Variants in ARF4 observed in about 807,000 individuals in gnomAD.
ARF4 encodes ARF GTPase 4.
ARF4 carries 5 observed loss-of-function variants against 24.3 expected under a neutral mutation model. The observed-to-expected ratio is 0.21, with a 90% CI of 0.11 to 0.43. ARF4 has a LOEUF of 0.43. ARF4 is among the 20% of genes least tolerant of loss of function. The pLI is 1.00. For missense variants in ARF4, 107 were observed against 213.0 expected (o/e 0.50, Z 3.10); for synonymous variants, 62 against 73.5 (o/e 0.84, Z 0.80).
chr3:57,589,810 C>G (rs1165024643), intron 1 of ARF4, among the ~76,000 whole-genome samples: 2 of 151,000 alleles, frequency 1.3e-5, no homozygotes, highest in Admixed American at 1.3e-4. Context: ...AAGTTAGATC[C>G]AGCCGGGCAC....
At chr3:57,582,892 C>T (rs1460395765) in intron 3 of ARF4, among the ~76,000 whole-genome samples, 6 of 152,208 alleles carry the variant, frequency 3.9e-5, no homozygotes, top group Non-Finnish European at 5.9e-5. Context: ...TCAGTTTCCT[C>T]ATATGTAAGA....
At chr3:57,572,384 T>C in intron 5 of ARF4, 86 bp from the exon 6 acceptor site, 1 of 997,022 alleles carries the variant, frequency 1.0e-6, no homozygotes, top group Non-Finnish European at 1.6e-6. Context: ...AACTTAAGAG[T>C]CTTTTCACAC....
intron 1 of ARF4, among the ~76,000 whole-genome samples, chr3:57,586,704 C>A (rs1478752080): frequency 6.6e-6 from 1 of 151,662 alleles, no homozygotes; most frequent in Non-Finnish European, 1.5e-5. Context: ...GGAACATTAT[C>A]AAAAAAATCA....
chr3:57,578,533 A>C (rs2069933071), intron 3 of ARF4, among the ~76,000 whole-genome samples: 2 of 151,948 alleles, frequency 1.3e-5, no homozygotes, highest in South Asian at 4.2e-4. Context: ...GCCTAGGAGC[A>C]CAGTAGCACA....
At chr3:57,574,172 C>T (rs1455465130) in intron 5 of ARF4, among the ~76,000 whole-genome samples, 1 of 152,006 alleles carries the variant, frequency 6.6e-6, no homozygotes, top group Non-Finnish European at 1.5e-5. Context: ...AATTCCTGAC[C>T]TCATGATCCA....
At chr3:57,585,278 G>T (rs1454689077) in intron 1 of ARF4, among the ~76,000 whole-genome samples, 3 of 152,150 alleles carry the variant, frequency 2.0e-5, no homozygotes, top group Non-Finnish European at 4.4e-5. Flanking sequence ...TAAAATTTGG[G>T]TAACAGATTT....
At chr3:57,572,753 TG>T (rs2069855917) in intron 5 of ARF4, among the ~76,000 whole-genome samples, 1 of 152,218 alleles carries the variant, frequency 6.6e-6, no homozygotes, top group Non-Finnish European at 1.5e-5. Flanking sequence ...TTTTCAGTGC[TG>T]GTTTTTGGTT....
intron 3 of ARF4, among the ~76,000 whole-genome samples, chr3:57,577,671 C>T (rs1269494967): frequency 1.3e-5 from 2 of 152,248 alleles, no homozygotes; most frequent in South Asian, 2.1e-4. Context: ...TCCCTCTGCA[C>T]TCTCACATTT....
In ARF4 at chr3:57,584,026, A is replaced by C; in HGVS notation, c.149-19T>G. The C allele has an allele frequency of 4.0e-6, 6 of 1,493,734 alleles. No individual in the cohort carries two copies. The highest frequency in any genetic ancestry group is 5.6e-6 in the Non-Finnish European group (6 of 1,073,072). 92.5% of individuals were successfully genotyped at this position (1,493,734 alleles called of 1,614,324 possible). A position where few individuals can be genotyped will look rare whatever the true frequency, so the allele number is the denominator to read the frequency against. On this transcript the variant is annotated intron_variant, in intron 2 of 5. Coordinates refer to ENST00000303436, the MANE Select transcript of ARF4 (RefSeq NM_001660.4). ...TTAAAACCTACAAAGAAAAACAAAA[A>C]TGACCGCTGTGCAGCGTCATTAAGA...
intron 3 of ARF4, among the ~76,000 whole-genome samples, chr3:57,582,755 A>G (rs201844206): frequency 1.3e-5 from 2 of 151,470 alleles, no homozygotes; most frequent in African/African-American, 4.9e-5. Flanking sequence ...AAAAAAAATT[A>G]TTAAGTAATA....
At chr3:57,594,048 G>A (rs899967327) in intron 1 of ARF4, among the ~76,000 whole-genome samples, 1 of 152,104 alleles carries the variant, frequency 6.6e-6, no homozygotes. Context: ...CTGAGGTCAG[G>A]AGTTCGAGAC....
chr3:57,596,400 T>C (rs1233793121), intron 1 of ARF4, among the ~76,000 whole-genome samples: 2 of 152,202 alleles, frequency 1.3e-5, no homozygotes, highest in East Asian at 3.8e-4. Context: ...TTAAAGTTTT[T>C]GAAAATAGTC....
intron 3 of ARF4, among the ~76,000 whole-genome samples, chr3:57,579,833 G>A (rs1307981306): frequency 2.0e-5 from 3 of 152,028 alleles, no homozygotes; most frequent in Admixed American, 1.3e-4. Context: ...CTTTTGGCTG[G>A]CATGGCACCT....
At chr3:57,578,875 AT>A (rs1272478983) in intron 3 of ARF4, among the ~76,000 whole-genome samples, 2 of 150,066 alleles carry the variant, frequency 1.3e-5, no homozygotes, top group East Asian at 3.9e-4. Flanking sequence ...AAAGTATAGA[AT>A]TTTCAGCTAG....
In ARF4 at chr3:57,584,245, G is replaced by A. The variant is rs1441292841; in HGVS notation, c.148+139C>T. On this transcript the variant is annotated intron_variant, in intron 2 of 5. Coordinates refer to ENST00000303436, the MANE Select transcript of ARF4 (RefSeq NM_001660.4). ...CCCAAAGTGCTGGGATTACAGGCAT[G>A]AGCCACCACACCCGGCCTGTTTTAA... 9.0e-6 allele frequency: 8 copies of A among 893,574 alleles called. No homozygotes were observed. The Admixed American group carries it at 1.2e-4, about 14-fold the overall frequency. The allele number at this position is 893,574 out of a possible 1,614,324, so 55.4% of individuals were successfully genotyped here.
chr3:57,595,154 T>C (rs1376040575), intron 1 of ARF4, among the ~76,000 whole-genome samples: 1 of 152,216 alleles, frequency 6.6e-6, no homozygotes, highest in Admixed American at 6.5e-5. Flanking sequence ...CCTCCCAATA[T>C]AGTAAATATA....
chr3:57,588,744 C>G (rs1399481799), intron 1 of ARF4, among the ~76,000 whole-genome samples: 1 of 140,830 alleles, frequency 7.1e-6, no homozygotes, highest in African/African-American at 2.7e-5. Flanking sequence ...ATGACCTGAG[C>G]TCAGGAGTTT....
At chr3:57,580,438 G>A (rs2069956178) in intron 3 of ARF4, among the ~76,000 whole-genome samples, 3 of 151,574 alleles carry the variant, frequency 2.0e-5, no homozygotes, top group Admixed American at 2.0e-4. Flanking sequence ...GTCTCCTTTT[G>A]TCCCCCAGGC....
chr3:57,587,032 G>A (rs894245648), intron 1 of ARF4, among the ~76,000 whole-genome samples: 4 of 152,054 alleles, frequency 2.6e-5, no homozygotes, highest in South Asian at 2.1e-4. Flanking sequence ...TTAAAAACAA[G>A]GTAAGGCCTG....
Sources: gnomAD v4.1 joint callset for allele counts (sites outside exome capture counted in the v4.1 genomes callset) on GRCh38, gnomAD v4.1.1 for gene constraint, MANE v1.5 for transcripts, NCBI Gene and HGNC (gene_info 2026-07-23, HGNC 2026-07-21) for gene names.